Variants in SUSD4 observed in about 807,000 individuals in gnomAD.
SUSD4 encodes the protein sushi domain-containing protein 4.
Under a neutral mutation model 50.5 loss-of-function variants are expected in SUSD4, and 41 were observed. The observed-to-expected ratio is 0.81, with a 90% CI of 0.63 to 1.05. SUSD4 has a LOEUF of 1.05. Among genes scored for constraint, SUSD4 ranks in the 50% least tolerant of loss-of-function variants. The probability of loss-of-function intolerance (pLI) is 0.00; values close to 1 mark genes in which losing one functional copy is unlikely to be tolerated. For missense variants in SUSD4, 580 were observed against 634.7 expected (o/e 0.91, Z 0.93); for synonymous variants, 257 against 257.3 (o/e 1.00, Z 0.01).
At chr1:223,226,609 G>A (rs1394287982) in intron 7 of SUSD4, among the ~76,000 whole-genome samples, 1 of 152,226 alleles carries the variant, frequency 6.6e-6, no homozygotes, top group Non-Finnish European at 1.5e-5. Context: ...CTGAAGGGAA[G>A]AGAGAAGTGG....
chr1:223,286,177 G>A (rs1005231014), intron 3 of SUSD4, among the ~76,000 whole-genome samples: 2 of 151,964 alleles, frequency 1.3e-5, no homozygotes, highest in Admixed American at 6.5e-5. Flanking sequence ...GTGCAGTGGC[G>A]CAATCTCGGC....
intron 3 of SUSD4, among the ~76,000 whole-genome samples, chr1:223,284,400 A>G (rs1663989261): frequency 6.6e-6 from 1 of 152,186 alleles, no homozygotes; most frequent in South Asian, 2.1e-4. Context: ...ACTGGAAAGA[A>G]AACTCAAATT....
chr1:223,293,648 TG>T (rs1036770590), intron 2 of SUSD4, among the ~76,000 whole-genome samples: 62 of 152,256 alleles, frequency 4.1e-4, no homozygotes, highest in African/African-American at 1.5e-3. Context: ...TGCTGGTGTC[TG>T]GGACACTTGG....
At chr1:223,355,959 C>CT (rs1261872617) in intron 2 of SUSD4, among the ~76,000 whole-genome samples, 1 of 152,140 alleles carries the variant, frequency 6.6e-6, no homozygotes, top group Non-Finnish European at 1.5e-5. Context: ...CCTGCAGGCC[C>CT]TGACCTGCTG....
chr1:223,304,824 A>ATGC (rs1275179793), intron 2 of SUSD4, among the ~76,000 whole-genome samples: 6 of 41,014 alleles, frequency 1.5e-4, no homozygotes, highest in Non-Finnish European at 3.8e-4. Context: ...ATATATATAT[A>ATGC]TATATATATA....
At chr1:223,289,468 G>C (rs1346680103) in intron 3 of SUSD4, among the ~76,000 whole-genome samples, 1 of 152,198 alleles carries the variant, frequency 6.6e-6, no homozygotes, top group East Asian at 1.9e-4. Flanking sequence ...ATAAAAGAAA[G>C]GGATCTGTGC....
chr1:223,362,030 T>C (rs1669010530), intron 2 of SUSD4, among the ~76,000 whole-genome samples: 1 of 151,744 alleles, frequency 6.6e-6, no homozygotes, highest in Non-Finnish European at 1.5e-5. Flanking sequence ...TCCAAAAAGT[T>C]ATTCCTTCTT....
At chr1:223,324,438 G>A (rs1052497747) in intron 2 of SUSD4, among the ~76,000 whole-genome samples, 3 of 151,514 alleles carry the variant, frequency 2.0e-5, no homozygotes, top group African/African-American at 7.3e-5. Flanking sequence ...AAGGAGGCAG[G>A]AAAATACATA....
intron 5 of SUSD4, among the ~76,000 whole-genome samples, chr1:223,250,461 A>T (rs1475397578): frequency 6.6e-6 from 1 of 152,216 alleles, no homozygotes; most frequent in Admixed American, 6.5e-5. Context: ...AGATAAGGGA[A>T]TTGAGGCTGA....
chr1:223,326,753 A>G (rs1179948326), intron 2 of SUSD4, among the ~76,000 whole-genome samples: 2 of 152,226 alleles, frequency 1.3e-5, no homozygotes, highest in Non-Finnish European at 2.9e-5. Flanking sequence ...AATGCTAAAC[A>G]TCACCAATCA....
chr1:223,355,607 A>C (rs972020874), intron 2 of SUSD4, among the ~76,000 whole-genome samples: 10 of 152,168 alleles, frequency 6.6e-5, no homozygotes, highest in East Asian at 1.9e-4. Context: ...ATCAGACCCC[A>C]AAAATAAGGT....
chr1:223,291,115 A>G (rs1430397959), intron 3 of SUSD4, among the ~76,000 whole-genome samples: 2 of 152,204 alleles, frequency 1.3e-5, no homozygotes, highest in African/African-American at 4.8e-5. Flanking sequence ...ATAAAAGCAA[A>G]GATAGCAAGT....
chr1:223,241,607 G>A (rs183502047), intron 5 of SUSD4, among the ~76,000 whole-genome samples: 12 of 152,172 alleles, frequency 7.9e-5, no homozygotes, highest in African/African-American at 2.9e-4. Flanking sequence ...TTTACTCATT[G>A]TTAGGACAGA....
chr1:223,342,064 T>C (rs1477665361), intron 2 of SUSD4, among the ~76,000 whole-genome samples: 1 of 152,098 alleles, frequency 6.6e-6, no homozygotes, highest in Non-Finnish European at 1.5e-5. Flanking sequence ...GCCTTTCCTA[T>C]TTCCTTCCTA....
At chr1:223,224,091 G>A (rs1659327083) in intron 7 of SUSD4, among the ~76,000 whole-genome samples, 1 of 152,206 alleles carries the variant, frequency 6.6e-6, no homozygotes, top group South Asian at 2.1e-4. Flanking sequence ...GCTCACACCT[G>A]CAATCCCAGC....
chr1:223,241,068 G>A (rs1660546780), intron 5 of SUSD4, among the ~76,000 whole-genome samples: 1 of 152,176 alleles, frequency 6.6e-6, no homozygotes, highest in African/African-American at 2.4e-5. Context: ...GGTACAGGAT[G>A]GCTAGAGGGG....
At chr1:223,247,114 T>C (rs1438057516) in intron 5 of SUSD4, among the ~76,000 whole-genome samples, 1 of 152,154 alleles carries the variant, frequency 6.6e-6, no homozygotes, top group East Asian at 1.9e-4. Context: ...GTGTTCTTCA[T>C]GTAGGAAAGA....
At chr1:223,265,122 A>T (rs1291059056) in intron 4 of SUSD4, among the ~76,000 whole-genome samples, 2 of 152,172 alleles carry the variant, frequency 1.3e-5, no homozygotes, top group South Asian at 4.1e-4. Flanking sequence ...TCTGGCTCTG[A>T]CTGCGTTTCA....
chr1:223,288,753 T>TTATAATATAAA (rs1260648883), intron 3 of SUSD4, among the ~76,000 whole-genome samples: 1 of 152,204 alleles, frequency 6.6e-6, no homozygotes, highest in African/African-American at 2.4e-5. Context: ...TAATACTTAT[T>TTATAATATAAA]TATAATATAA....
Sources: gnomAD v4.1 joint callset for allele counts (sites outside exome capture counted in the v4.1 genomes callset) on GRCh38, gnomAD v4.1.1 for gene constraint, MANE v1.5 for transcripts, NCBI Gene and HGNC (gene_info 2026-07-23, HGNC 2026-07-21) for gene names.